The following SMAP2 variants were observed in gnomAD, a reference collection of about 807,000 sequenced individuals.
SMAP2 encodes small ArfGAP2.
Under a neutral mutation model 56.4 loss-of-function variants are expected in SMAP2, and 25 were observed. The ratio of observed to expected loss-of-function variants is 0.44; its 90% CI spans 0.32 to 0.62. SMAP2 has a LOEUF of 0.62. SMAP2 is among the 20% of genes least tolerant of loss of function. SMAP2 has a pLI of 0.04. For synonymous variants in SMAP2, 157 were observed against 181.7 expected, an observed-to-expected ratio of 0.86 and a Z score of 1.09; for missense variants, 388 against 545.6, an observed-to-expected ratio of 0.71 and a Z score of 2.88.
chr1:40,345,888 G>GTATTGTATTATATTA (rs1553187229), intron 1 of SMAP2, among the ~76,000 whole-genome samples: 35 of 120,114 alleles, frequency 2.9e-4, no homozygotes, highest in Middle Eastern at 4.1e-3. Flanking sequence ...ATATTGTATT[G>GTATTGTATTATATTA]TATTATATTA....
chr1:40,378,269 G>A (rs559826300), intron 1 of SMAP2, among the ~76,000 whole-genome samples: 2 of 152,216 alleles, frequency 1.3e-5, no homozygotes, highest in East Asian at 1.9e-4. Flanking sequence ...GACTACAGGC[G>A]TGTGCCACGG....
intron 1 of SMAP2, among the ~76,000 whole-genome samples, chr1:40,402,573 C>A (rs1644846317): frequency 6.6e-6 from 1 of 152,056 alleles, no homozygotes; most frequent in African/African-American, 2.4e-5. Context: ...CCTCAGCCTC[C>A]CCAGTAGCTG....
intron 1 of SMAP2, among the ~76,000 whole-genome samples, chr1:40,392,044 A>G (rs2124277153): frequency 6.6e-6 from 1 of 152,108 alleles, no homozygotes; most frequent in South Asian, 2.1e-4. Context: ...CTATTAGCTC[A>G]GCAGTCCCTC....
intron 1 of SMAP2, among the ~76,000 whole-genome samples, chr1:40,401,531 C>T (rs1487012644): frequency 1.3e-5 from 2 of 152,146 alleles, no homozygotes; most frequent in African/African-American, 2.4e-5. Flanking sequence ...TAGATTAGAA[C>T]TCAATGATAT....
At chr1:40,420,460 C>T (rs558576461) in intron 9 of SMAP2, among the ~76,000 whole-genome samples, 18 of 152,104 alleles carry the variant, frequency 1.2e-4, no homozygotes, top group Admixed American at 3.3e-4. Context: ...CATGAGTCCA[C>T]GGTGATATTT....
chr1:40,415,817 AG>A (rs1012653218), intron 7 of SMAP2, among the ~76,000 whole-genome samples: 10 of 152,276 alleles, frequency 6.6e-5, no homozygotes, highest in African/African-American at 2.4e-4. Context: ...AAACCTGCAA[AG>A]TGGAAATTTT....
chr1:40,350,486 C>T (rs573064644), intron 1 of SMAP2, among the ~76,000 whole-genome samples: 8 of 152,276 alleles, frequency 5.3e-5, no homozygotes, highest in African/African-American at 9.6e-5. Flanking sequence ...GGGCTGGCAA[C>T]GATGGGTGAC....
chr1:40,346,389 A>G (rs1644386075), intron 1 of SMAP2, among the ~76,000 whole-genome samples: 2 of 150,650 alleles, frequency 1.3e-5, no homozygotes, highest in South Asian at 4.2e-4. Context: ...TTTTTTTTTG[A>G]AACAAAGTCT....
At chr1:40,346,186 G>A (rs1386216828) in intron 1 of SMAP2, among the ~76,000 whole-genome samples, 1 of 151,174 alleles carries the variant, frequency 6.6e-6, no homozygotes, top group African/African-American at 2.4e-5. Flanking sequence ...GCTAGATGAC[G>A]ATGAAAATGC....
chr1:40,351,623 C>T (rs1644409171), intron 1 of SMAP2, among the ~76,000 whole-genome samples: 1 of 152,118 alleles, frequency 6.6e-6, no homozygotes, highest in Non-Finnish European at 1.5e-5. Context: ...CACGCCTCAG[C>T]CTCCGGAGTA....
chr1:40,421,194 CA>C (rs1287306783), intron 9 of SMAP2, among the ~76,000 whole-genome samples: 1 of 151,864 alleles, frequency 6.6e-6, no homozygotes, highest in African/African-American at 2.4e-5. Flanking sequence ...ACTTTTATGT[CA>C]GTTTGAAATT....
chr1:40,417,527 G>C (rs1645001724), intron 9 of SMAP2, among the ~76,000 whole-genome samples: 1 of 152,070 alleles, frequency 6.6e-6, no homozygotes, highest in Non-Finnish European at 1.5e-5. Context: ...ATGGAGCAGG[G>C]GCCTAGCAAT....
At chr1:40,354,623 C>T (rs1322629597) in intron 1 of SMAP2, among the ~76,000 whole-genome samples, 4 of 152,002 alleles carry the variant, frequency 2.6e-5, no homozygotes, top group African/African-American at 9.7e-5. Context: ...AGGCGTGAGC[C>T]ACCGTGCCCA....
intron 1 of SMAP2, among the ~76,000 whole-genome samples, chr1:40,393,101 C>CAA (rs11380652): frequency 0.066 from 9,528 of 143,890 alleles, 437 homozygotes; most frequent in East Asian, 0.19. Context: ...GAATCCATCT[C>CAA]AAAAAAAAAA....
intron 7 of SMAP2, 141 bp downstream of exon 7, chr1:40,415,522 G>A (rs141458448): frequency 1.3e-5 from 9 of 679,688 alleles, no homozygotes; most frequent in African/African-American, 5.4e-5. Flanking sequence ...TTAACATTGT[G>A]TCATTTCTGT....
intron 7 of SMAP2, 46 bp downstream of exon 7, chr1:40,415,427 G>A (rs765738134): frequency 1.1e-5 from 14 of 1,276,134 alleles, no homozygotes; most frequent in Non-Finnish European, 1.5e-5. Flanking sequence ...TCTGAAATGG[G>A]TGATTTTGAT....
chr1:40,409,688 A>G, intron 3 of SMAP2, 69 bp from the exon 4 acceptor site: 1 of 1,090,346 alleles, frequency 9.2e-7, no homozygotes, highest in South Asian at 1.3e-5. Flanking sequence ...TCCGTGGAAC[A>G]CAATTGATCT....
In SMAP2 at chr1:40,408,588, G is replaced by T. The variant is rs778149979; in HGVS notation, c.238-65G>T. ...TTCAATTGTACAGTAGTGGAATTGG[G>T]TGAGAAGTTTTTCAGTTCTTTCTTG... On this transcript the variant is annotated intron_variant, in intron 2 of 9. Coordinates refer to ENST00000372718, the MANE Select transcript of SMAP2 (RefSeq NM_022733.3). This position sits in a 1 kb window ranked among gnomAD's most constrained non-coding sequence, Gnocchi z 4.3. 9.4e-6 allele frequency: 13 copies of T among 1,386,402 alleles called. No homozygotes were observed. The highest frequency in any genetic ancestry group is 1.3e-5 in the Non-Finnish European group (13 of 975,932). The allele number at this position is 1,386,402 out of a possible 1,614,324, so 85.9% of individuals were successfully genotyped here.
At chr1:40,390,825 T>A (rs1376168622) in intron 1 of SMAP2, among the ~76,000 whole-genome samples, 15 of 152,190 alleles carry the variant, frequency 9.9e-5, no homozygotes. Flanking sequence ...TTAGACTAGA[T>A]CATTCCTAAG....
Sources: allele counts gnomAD v4.1 joint callset (sites outside exome capture counted in the v4.1 genomes callset), GRCh38; gene constraint gnomAD v4.1.1; non-coding constraint Gnocchi (gnomAD v3.1); transcripts MANE v1.5; gene names NCBI Gene and HGNC (gene_info 2026-07-23, HGNC 2026-07-21).